SLC35E1: variants seen among roughly 807,000 people sequenced by gnomAD.
SLC35E1 encodes the protein solute carrier family 35, member E1.
A neutral mutation model predicts 31.0 loss-of-function variants in SLC35E1; 12 were observed. That is an observed-to-expected ratio of 0.39 (90% CI 0.25 to 0.63). The LOEUF (loss-of-function observed/expected upper bound fraction) is 0.63. Ranked by LOEUF, SLC35E1 falls within the 20% of genes least tolerant of loss-of-function variation. The pLI, the probability that SLC35E1 is intolerant of heterozygous loss-of-function variation, is 0.52. For missense variants in SLC35E1, 429 were observed against 572.2 expected (o/e 0.75, Z 2.55); for synonymous variants, 257 against 264.1 (o/e 0.97, Z 0.26).
intron 4 of SLC35E1, chr19:16,564,120 T>C (rs1282595999): frequency 6.6e-6 from 1 of 152,226 alleles, no homozygotes; most frequent in Admixed American, 6.6e-5. Flanking sequence ...GCACCTGGAT[T>C]GTGTCTCTAA....
chr19:16,558,051 G>GT lies in SLC35E1; in HGVS notation c.757-2655dup, dbSNP rs970636634. On this transcript the variant is annotated intron_variant, in intron 4 of 5. Transcript: ENST00000595753. ...ATGGTGAAGTTTTTTTTTTGTTTTT[G>GT]TTTTTTTTTGAGATAGAGTTTTGCT... Among the ~76,000 whole-genome samples the GT allele has an allele frequency of 2.9e-4, 43 of 147,412 alleles. 1 individual carries two copies. The highest frequency in any genetic ancestry group is 5.3e-4 in the African/African-American group (21 of 39,664).
In SLC35E1 at chr19:16,553,697, C is replaced by A; in HGVS notation, c.1215G>T (p.Leu405Phe). The stretch of plus-strand genomic sequence containing the variant: ...TTGGACTCTACACATCATAGCGGTT[C>A]AAACTGTACGAGTTTGGGTAGCTCT... Reference protein sequence around the residue: ...SRQSYPNSYSLNRYDV With the variant: ...SRQSYPNSYSFNRYDV The change falls in exon 6 of 6, where the codon TTG becomes TTT. Residue 405 changes from leucine (L) to phenylalanine (F), a missense_variant. Coordinates refer to ENST00000595753, the MANE Select transcript of SLC35E1 (RefSeq NM_024881.5). 1 of 1,573,864 alleles carries A rather than the reference C, an allele frequency of 6.4e-7. No individual in the cohort carries two copies. Among genetic ancestry groups the A allele is most frequent in the Non-Finnish European group, 8.7e-7 (1 of 1,155,356 alleles).
Position 16,555,517 on chromosome 19 carries a change from C to T in SLC35E1, c.757-120G>A. On this transcript the variant is annotated intron_variant, in intron 4 of 5. Coordinates refer to ENST00000595753, the MANE Select transcript of SLC35E1 (RefSeq NM_024881.5). This position sits in a 1 kb window ranked among gnomAD's most constrained non-coding sequence, Gnocchi z 4.1. ...AGGGGCTCATCTGGAGCCTCATGGT[C>T]CACAGGCAGCCAGTCCAGATGTGTC... 7.3e-7 allele frequency: 1 copy of T among 1,367,506 alleles called. No homozygotes were observed. Among genetic ancestry groups the T allele is most frequent in the Non-Finnish European group, 9.8e-7 (1 of 1,020,490 alleles). 84.7% of individuals were successfully genotyped at this position (1,367,506 alleles called of 1,614,324 possible). A position where few individuals can be genotyped will look rare whatever the true frequency, so the allele number is the denominator to read the frequency against.
rs149013418 is a variant in SLC35E1 at position 16,555,052 on chromosome 19, T to G, written c.1002+100A>C. ...ACCAGTCAGTGGCAAAGCTCTGACA[T>G]ACAACCCCAGCCTTGAGCGCCCGGG... is the stretch of plus-strand genomic sequence containing the variant. On this transcript the variant is annotated intron_variant, in intron 5 of 5. Coordinates refer to ENST00000595753, the MANE Select transcript of SLC35E1 (RefSeq NM_024881.5). This position sits in a 1 kb window ranked among gnomAD's most constrained non-coding sequence, Gnocchi z 4.1. 6.1e-4 allele frequency: 924 copies of G among 1,518,536 alleles called. 24 individuals are homozygous for G. In the East Asian group the frequency reaches 0.021, roughly 35 times the overall value. The allele number at this position is 1,518,536 out of a possible 1,614,324, so 94.1% of individuals were successfully genotyped here. A position where few individuals can be genotyped will look rare whatever the true frequency, so the allele number is the denominator to read the frequency against.
chr19:16,572,393 C>T lies in SLC35E1; in HGVS notation c.-29G>A, dbSNP rs1230870045. ...GCCCGAGCGGCCGCCCCTTCCAGCC[C>T]GTCCGACGGCCCGACGCCGGGCGGG... is the stretch of plus-strand genomic sequence containing the variant. On this transcript the variant is annotated 5_prime_UTR_variant, in exon 1 of 6. Transcript: ENST00000595753. The surrounding 1 kb of genome is among the most constrained non-coding windows in gnomAD (Gnocchi z 4.1). 16 of 992,534 alleles carry T rather than the reference C, an allele frequency of 1.6e-5. No individual in the cohort carries two copies. The Admixed American group carries it at 2.4e-4, about 15-fold the overall frequency. 61.5% of individuals were successfully genotyped at this position (992,534 alleles called of 1,614,324 possible). A position where few individuals can be genotyped will look rare whatever the true frequency, so the allele number is the denominator to read the frequency against.
intron 4 of SLC35E1, among the ~76,000 whole-genome samples, chr19:16,561,652 T>C (rs1382548172): frequency 1.3e-5 from 2 of 152,218 alleles, no homozygotes; most frequent in Non-Finnish European, 2.9e-5. Flanking sequence ...CTTTGATTCT[T>C]GGTAGACTGG....
At position 16,566,673 on chromosome 19, in the gene SLC35E1, C is replaced by T; in HGVS notation, c.631-16G>A. ...CTCGCAAGACCTGGAAAGGGAAAGC[C>T]TCTTTAGAGGGTGATTAAAACTATA... On this transcript the variant is annotated splice_polypyrimidine_tract_variant and intron_variant, in intron 3 of 5. Coordinates refer to ENST00000595753, the MANE Select transcript of SLC35E1 (RefSeq NM_024881.5). 6.2e-7 allele frequency: 1 copy of T among 1,609,836 alleles called. No individual in the cohort carries two copies. The highest frequency in any genetic ancestry group is 2.2e-5 in the East Asian group (1 of 44,838).
Position 16,553,830 on chromosome 19 carries a change from T to C in SLC35E1, c.1082A>G (p.His361Arg). The C allele has an allele frequency of 1.9e-6, 3 of 1,614,022 alleles. No homozygotes were observed. The highest frequency in any genetic ancestry group is 2.5e-6 in the Non-Finnish European group (3 of 1,179,952). ...GTGGGGCTTCTCCAGTGGGCTCCGG[T>C]GACGCTCCTTGCTGCTCAGGTCTGC... Reference protein sequence around the residue: ...TTADLSSKERHRSPLEKPHNG... With the variant: ...TTADLSSKERRRSPLEKPHNG... Residue 361 changes from histidine (H) to arginine (R), a missense_variant, in exon 6 of 6, where the codon CAC becomes CGC. His to Arg is a conservative substitution (Grantham distance 29). Coordinates refer to ENST00000595753, the MANE Select transcript of SLC35E1 (RefSeq NM_024881.5).
intron 4 of SLC35E1, chr19:16,565,028 A>C (rs1359136405): frequency 4.5e-6 from 2 of 442,086 alleles, no homozygotes; most frequent in East Asian, 1.4e-4. Flanking sequence ...GACCTCAATA[A>C]ATATTTACTT....
chr19:16,555,351 C>A lies in SLC35E1; in HGVS notation c.803G>T (p.Ser268Ile). ...ATTCTGGGCAAAGTTACAGAAGCCG[C>A]TGACAGCCAGGAGCAGGAGCGTCCA... is the stretch of plus-strand genomic sequence containing the variant. ...WPWTLLLLAV[S>I]GFCNFAQNVI... The change falls in exon 5 of 6, where the codon AGC (serine) becomes ATC (isoleucine). Residue 268 changes from serine to isoleucine, a missense_variant. Transcript: ENST00000595753. The surrounding 1 kb of genome is among the most constrained non-coding windows in gnomAD (Gnocchi z 4.1). The A allele has an allele frequency of 1.2e-6, 2 of 1,614,090 alleles. No homozygotes were observed.
At chr19:16,559,470 A>ACACACACACACACACACG (rs2085893641) in intron 4 of SLC35E1, among the ~76,000 whole-genome samples, 1 of 107,128 alleles carries the variant, frequency 9.3e-6, no homozygotes, top group Non-Finnish European at 2.0e-5. Context: ...AAATACACAC[A>ACACACACACACACACACG]CACACACACA....
At chr19:16,571,844 G>T in intron 1 of SLC35E1, 100 bp downstream of exon 1, 1 of 1,298,424 alleles carries the variant, frequency 7.7e-7, no homozygotes. Context: ...TGACTTCTCA[G>T]TCCGGCGGGA....
In SLC35E1 at chr19:16,555,114, G is replaced by A. The variant is rs1434226348; in HGVS notation, c.1002+38C>T. ...TTTCTGACTTCCTGGGTGTTGGGGGGCCGGCTTCCTTCCCTGCCCAGCCTC... is the reference window on the plus strand; with the variant it reads ...TTTCTGACTTCCTGGGTGTTGGGGGACCGGCTTCCTTCCCTGCCCAGCCTC... On this transcript the variant is annotated intron_variant, in intron 5 of 5. Transcript: ENST00000595753. This position sits in a 1 kb window ranked among gnomAD's most constrained non-coding sequence, Gnocchi z 4.1. The A allele has an allele frequency of 9.9e-6, 16 of 1,611,170 alleles. No individual in the cohort carries two copies. The highest frequency in any genetic ancestry group is 1.4e-5 in the Non-Finnish European group (16 of 1,178,394).
At chr19:16,561,888 C>T (rs759756553) in intron 4 of SLC35E1, among the ~76,000 whole-genome samples, 11 of 152,060 alleles carry the variant, frequency 7.2e-5, no homozygotes, top group African/African-American at 2.4e-4. Context: ...AAGTCATGCT[C>T]ATGTTAAAAA....
At chr19:16,564,176 G>A (rs1182934369) in intron 4 of SLC35E1, 1 of 152,436 alleles carries the variant, frequency 6.6e-6, no homozygotes, top group African/African-American at 2.4e-5. Context: ...AGGAGGGGCT[G>A]ACTGCAGCTC....
chr19:16,555,566 G>T lies in SLC35E1; in HGVS notation c.757-169C>A. On this transcript the variant is annotated intron_variant, in intron 4 of 5. Coordinates refer to ENST00000595753, the MANE Select transcript of SLC35E1 (RefSeq NM_024881.5). This position sits in a 1 kb window ranked among gnomAD's most constrained non-coding sequence, Gnocchi z 4.1. ...TCACCAAGAGACACTAGGTGCTTTA[G>T]GTCCATGACCTCAGAACCTCATGAC... 1 of 839,834 alleles carries T rather than the reference G, an allele frequency of 1.2e-6. No individual in the cohort carries two copies. Among genetic ancestry groups the T allele is most frequent in the Non-Finnish European group, 1.8e-6 (1 of 556,494 alleles). The allele number at this position is 839,834 out of a possible 1,614,324, so 52.0% of individuals were successfully genotyped here.
Position 16,555,656 on chromosome 19 carries a change from A to G in SLC35E1, c.757-259T>C. ...GAAACAGGTGAAGCCAGGTCCCCAA[A>G]GGGCACCAAGCAAGACGTAAGCCAA... On this transcript the variant is annotated intron_variant, in intron 4 of 5. Coordinates refer to ENST00000595753, the MANE Select transcript of SLC35E1 (RefSeq NM_024881.5). This position sits in a 1 kb window ranked among gnomAD's most constrained non-coding sequence, Gnocchi z 4.1. The G allele has an allele frequency of 2.1e-6, 1 of 469,362 alleles. No individual in the cohort carries two copies. Among genetic ancestry groups the G allele is most frequent in the Admixed American group, 3.6e-5 (1 of 27,676 alleles). 29.1% of individuals were successfully genotyped at this position (469,362 alleles called of 1,614,324 possible).
Position 16,572,225 on chromosome 19 carries a change from A to G in SLC35E1, c.140T>C (p.Val47Ala), listed in dbSNP as rs1349438765. 1.3e-6 allele frequency: 2 copies of G among 1,526,650 alleles called. No individual in the cohort carries two copies. The highest frequency in any genetic ancestry group is 8.8e-7 in the Non-Finnish European group (1 of 1,136,076). The allele number at this position is 1,526,650 out of a possible 1,614,324, so 94.6% of individuals were successfully genotyped here. ...GAAGGCGCTCAGGATCACCTTGTTGACCACGTTGCCGCCCGCGCTCAGCGC... is the reference window on the plus strand; with the variant it reads ...GAAGGCGCTCAGGATCACCTTGTTGGCCACGTTGCCGCCCGCGCTCAGCGC... ...WYALSAGGNVVNKVILSAFPF... is the reference protein window; with the variant it reads ...WYALSAGGNVANKVILSAFPF... Residue 47 changes from valine (V) to alanine (A), a missense_variant, in exon 1 of 6, where the codon GTC becomes GCC. Physicochemically the swap from Val to Ala is moderately conservative, Grantham distance 64 (BLOSUM62 0). Coordinates refer to ENST00000595753, the MANE Select transcript of SLC35E1 (RefSeq NM_024881.5). This position sits in a 1 kb window ranked among gnomAD's most constrained non-coding sequence, Gnocchi z 4.1.
In SLC35E1 at chr19:16,555,494, G is replaced by A; in HGVS notation, c.757-97C>T. On this transcript the variant is annotated intron_variant, in intron 4 of 5. Transcript: ENST00000595753. This position sits in a 1 kb window ranked among gnomAD's most constrained non-coding sequence, Gnocchi z 4.1. ...CAGGGTTAGGGGAAGGGATGTGGAG[G>A]GGCTCATCTGGAGCCTCATGGTCCA... The A allele has an allele frequency of 6.7e-7, 1 of 1,494,546 alleles. No homozygotes were observed. Among genetic ancestry groups the A allele is most frequent in the East Asian group, 2.3e-5 (1 of 42,928 alleles). 92.6% of individuals were successfully genotyped at this position (1,494,546 alleles called of 1,614,324 possible).
Sources: gnomAD v4.1 joint callset for allele counts (sites outside exome capture counted in the v4.1 genomes callset) on GRCh38, gnomAD v4.1.1 for gene constraint, Gnocchi (gnomAD v3.1) non-coding constraint, MANE v1.5 for transcripts, NCBI Gene and HGNC (gene_info 2026-07-23, HGNC 2026-07-21) for gene names.